Variants in ALPK3 observed in about 807,000 individuals in gnomAD.
ALPK3 encodes the protein alpha-protein kinase 3.
In ALPK3, 102 loss-of-function variants were observed where a neutral mutation model predicts 140.0. The ratio of observed to expected loss-of-function variants is 0.73; its 90% confidence interval spans 0.62 to 0.86. The LOEUF is 0.86. Among genes scored for constraint, ALPK3 ranks in the 40% least tolerant of loss-of-function variants. The pLI, the probability that ALPK3 is intolerant of heterozygous loss-of-function variation, is 0.00. For missense variants in ALPK3, 2,254 were observed against 2,208.2 expected (o/e 1.02, Z -0.42); for synonymous variants, 938 against 898.5 (o/e 1.04, Z -0.79).
At chr15:84,858,934 A>G (rs1355015095) in intron 6 of ALPK3, among the ~76,000 whole-genome samples, 1 of 152,210 alleles carries the variant, frequency 6.6e-6, no homozygotes, top group Non-Finnish European at 1.5e-5. Flanking sequence ...GCAGGCTTCC[A>G]GAGTTAGGGA....
At position 84,849,142 on chromosome 15, in the gene ALPK3, C is replaced by CA. The variant is rs903030878; in HGVS notation, c.1654-7238dup. 7.5e-3 allele frequency among the ~76,000 whole-genome samples: 1,029 copies of CA among 137,440 alleles called. 12 individuals are homozygous for CA. The highest frequency in any genetic ancestry group is 0.017 in the African/African-American group (636 of 37,364). The allele number at this position is 137,440 out of a possible 152,430, so 90.2% of individuals were successfully genotyped here. ...GGGCAACAAGAGTAAAACTCTGTCT[C>CA]AAAAAAAAAAAATTACTAAGAGAAA... On this transcript the variant is annotated intron_variant, in intron 5 of 13. Transcript: ENST00000258888.
rs764912970 is a variant in ALPK3 at position 84,839,825 on chromosome 15, C to A, written c.546C>A (p.Phe182Leu). ...MTEYKIHQRWFAKLKRKAAAK... is the reference protein window; with the variant it reads ...MTEYKIHQRWLAKLKRKAAAK... Reference sequence around the variant, plus strand: ...AGTACAAGATCCACCAGCGCTGGTTCGCCAAGTTGAAGCGCAAGGCTGCGG... The same window carrying A: ...AGTACAAGATCCACCAGCGCTGGTTAGCCAAGTTGAAGCGCAAGGCTGCGG... The change falls in exon 5 of 14, where the codon TTC becomes TTA. Residue 182 changes from phenylalanine (F) to leucine (L), a missense_variant. Transcript: ENST00000258888. 1 of 1,614,132 alleles carries A rather than the reference C, an allele frequency of 6.2e-7. No homozygotes were observed. The highest frequency in any genetic ancestry group is 8.5e-7 in the Non-Finnish European group (1 of 1,180,042).
chr15:84,871,476 A>G lies in ALPK3; in HGVS notation c.*3020A>G, dbSNP rs1372242534. The stretch of plus-strand genomic sequence containing the variant: ...CTTCCAGTTCAGTTGAATAGCTACT[A>G]CGTCTTTGAGGATGTGCTCCTTGCT... On this transcript the variant is annotated 3_prime_UTR_variant, in exon 14 of 14. Coordinates refer to ENST00000258888, the MANE Select transcript of ALPK3 (RefSeq NM_020778.5). 6.6e-6 allele frequency: 1 copy of G among 152,264 alleles called. No individual in the cohort carries two copies. The highest frequency in any genetic ancestry group is 2.4e-5 in the African/African-American group (1 of 41,518). 9.4% of individuals were successfully genotyped at this position (152,264 alleles called of 1,614,324 possible). A position where few individuals can be genotyped will look rare whatever the true frequency, so the allele number is the denominator to read the frequency against.
chr15:84,868,304 C>T lies in ALPK3; in HGVS notation c.4966C>T (p.Pro1656Ser), dbSNP rs199776809. ...GAAAGGCTCCCAGCTGAGTCCTCAGCCCCAGAAGAAAGGCCTCCCTAGTCC... is the reference window on the plus strand; with the variant it reads ...GAAAGGCTCCCAGCTGAGTCCTCAGTCCCAGAAGAAAGGCCTCCCTAGTCC... ...GRKGSQLSPQ[P>S]QKKGLPSPQG... is the part of the protein sequence containing the mutation. The change falls in exon 14 of 14, where the codon CCC becomes TCC. Residue 1656 changes from proline to serine, a missense_variant. By Grantham distance (74) the Pro-to-Ser change is moderately conservative. This residue lies in a region of ALPK3 where 158 missense variants were observed against 159.8 expected (regional missense o/e 0.99). Transcript: ENST00000258888. The T allele has an allele frequency of 5.0e-6, 8 of 1,614,112 alleles. No homozygotes were observed. Among genetic ancestry groups the T allele is most frequent in the Non-Finnish European group, 6.8e-6 (8 of 1,179,964 alleles).
At chr15:84,847,529 G>A (rs1358153251) in intron 5 of ALPK3, among the ~76,000 whole-genome samples, 1 of 152,026 alleles carries the variant, frequency 6.6e-6, no homozygotes, top group African/African-American at 2.4e-5. Context: ...AGTAGCCAGA[G>A]AAACATAATA....
rs10625181 is a variant in ALPK3 at position 84,838,600 on chromosome 15, C to CATTATT, written c.305-346_305-341dup. ...GCCACGGCCTCGTGTTCTCTCCTCC[C>CATTATT]ATTATTATTATTATTATTATTATTA... On this transcript the variant is annotated intron_variant, in intron 3 of 13. Transcript: ENST00000258888. 7.7e-3 allele frequency among the ~76,000 whole-genome samples: 883 copies of CATTATT among 115,042 alleles called. 10 individuals carry two copies. The highest frequency in any genetic ancestry group is 0.012 in the Middle Eastern group (3 of 254). 75.5% of individuals were successfully genotyped at this position (115,042 alleles called of 152,430 possible). A position where few individuals can be genotyped will look rare whatever the true frequency, so the allele number is the denominator to read the frequency against.
chr15:84,864,182 C>T (rs1018182308), intron 11 of ALPK3, among the ~76,000 whole-genome samples: 2 of 152,204 alleles, frequency 1.3e-5, no homozygotes, highest in African/African-American at 4.8e-5. Context: ...CCAAGCCACA[C>T]AGTCTGCCTA....
chr15:84,856,947 A>G lies in ALPK3; in HGVS notation c.2209A>G (p.Arg737Gly), dbSNP rs1230447435. 1 of 1,614,022 alleles carries G rather than the reference A, an allele frequency of 6.2e-7. No individual in the cohort carries two copies. The highest frequency in any genetic ancestry group is 8.5e-7 in the Non-Finnish European group (1 of 1,180,024). Residue 737 changes from arginine to glycine, a missense_variant, in exon 6 of 14, where the codon AGA becomes GGA. Coordinates refer to ENST00000258888, the MANE Select transcript of ALPK3 (RefSeq NM_020778.5). Reference sequence around the variant, plus strand: ...GGCAACCAGCCTCGGCCCACCATCCAGAACCCCCAAACTCCCACCTACAGC... The same window carrying G: ...GGCAACCAGCCTCGGCCCACCATCCGGAACCCCCAAACTCCCACCTACAGC... ...EVATSLGPPS[R>G]TPKLPPTAGP...
intron 5 of ALPK3, among the ~76,000 whole-genome samples, chr15:84,841,582 G>A (rs56001568): frequency 6.6e-6 from 1 of 152,220 alleles, no homozygotes; most frequent in Non-Finnish European, 1.5e-5. Flanking sequence ...TATGACTATG[G>A]TGGGAAACAG....
chr15:84,838,428 T>G (rs1408680471), intron 3 of ALPK3, among the ~76,000 whole-genome samples: 1 of 152,052 alleles, frequency 6.6e-6, no homozygotes, highest in Non-Finnish European at 1.5e-5. Context: ...TCCTCCATAT[T>G]TTCCTTCCTA....
chr15:84,858,626 A>G, intron 6 of ALPK3, 71 bp downstream of exon 6: 1 of 1,491,930 alleles, frequency 6.7e-7, no homozygotes, highest in Non-Finnish European at 8.8e-7. Context: ...TGCTGCTGCT[A>G]ACAGCACTAC....
rs2141557079 is a variant in ALPK3 at position 84,840,567 on chromosome 15, G to T, written c.1288G>T (p.Gly430Trp). ...LENTQAVRPL[G>W]EEGPQTLSVR... ...GAACACCCAGGCAGTCAGGCCTCTT[G>T]GGGAAGAGGGACCCCAGACCCTGAG... The change falls in exon 5 of 14, where the codon GGG becomes TGG. Residue 430 changes from glycine to tryptophan, a missense_variant. By Grantham distance (184) the Gly-to-Trp change is radical (BLOSUM62 -2). Transcript: ENST00000258888. The T allele has an allele frequency of 1.9e-6, 3 of 1,583,232 alleles. No individual in the cohort carries two copies. In the South Asian group the frequency reaches 3.5e-5, roughly 19 times the overall value.
chr15:84,840,742 C>A lies in ALPK3; in HGVS notation c.1463C>A (p.Pro488His). The change falls in exon 5 of 14, where the codon CCC becomes CAC. Residue 488 changes from proline (P) to histidine (H), a missense_variant. This residue lies in a region of ALPK3 where 2,088 missense variants were observed against 2,022.9 expected (regional missense o/e 1.03). Coordinates refer to ENST00000258888, the MANE Select transcript of ALPK3 (RefSeq NM_020778.5). ...AGAAAGAGATTTGCCCCTCCAAAGC[C>A]CAAAGGAGAGGCCACCACTGACAGC... Reference protein sequence around the residue: ...FNRKRFAPPKPKGEATTDSKP... With the variant: ...FNRKRFAPPKHKGEATTDSKP... 1 of 1,614,156 alleles carries A rather than the reference C, an allele frequency of 6.2e-7. No homozygotes were observed. The highest frequency in any genetic ancestry group is 8.5e-7 in the Non-Finnish European group (1 of 1,180,020).
At chr15:84,827,693 C>A in intron 3 of ALPK3, 88 bp downstream of exon 3, 7 of 1,549,204 alleles carry the variant, frequency 4.5e-6, no homozygotes, top group Middle Eastern at 2.2e-4. Flanking sequence ...GGTGGGGTGG[C>A]GGGCTGTGTG....
At chr15:84,827,375 C>T in intron 2 of ALPK3, 109 bp from the exon 3 acceptor site, 3 of 1,500,882 alleles carry the variant, frequency 2.0e-6, no homozygotes, top group Non-Finnish European at 2.7e-6. Flanking sequence ...GCAGCTCTGG[C>T]CACAGGAAGA....
intron 3 of ALPK3, among the ~76,000 whole-genome samples, chr15:84,832,970 G>A (rs1164896752): frequency 1.3e-5 from 2 of 152,128 alleles, no homozygotes; most frequent in Non-Finnish European, 2.9e-5. Flanking sequence ...GAATCATGGG[G>A]TATTTTATCA....
chr15:84,857,433 C>T lies in ALPK3; in HGVS notation c.2695C>T (p.Pro899Ser). Residue 899 changes from proline to serine, a missense_variant, in exon 6 of 14, where the codon CCC (proline) becomes TCC (serine). Pro to Ser is a moderately conservative substitution (Grantham distance 74, BLOSUM62 -1). Around this residue, in one of 3 missense-constraint regions of ALPK3, gnomAD observed 2,088 missense variants for 2,022.9 expected, o/e 1.03. Coordinates refer to ENST00000258888, the MANE Select transcript of ALPK3 (RefSeq NM_020778.5). ...SQHGSTATFL[P>S]SEDQVLMSSA... ...GCACGGGAGCACAGCCACCTTCCTG[C>T]CCTCTGAGGATCAGGTCCTGATGAG... The T allele has an allele frequency of 6.2e-7, 1 of 1,613,988 alleles. No homozygotes were observed. Among genetic ancestry groups the T allele is most frequent in the Non-Finnish European group, 8.5e-7 (1 of 1,179,992 alleles).
intron 5 of ALPK3, among the ~76,000 whole-genome samples, chr15:84,852,038 C>T (rs1963809656): frequency 6.6e-6 from 1 of 152,196 alleles, no homozygotes; most frequent in South Asian, 2.1e-4. Context: ...CAGCGGATGC[C>T]TGACACTGCA....
At chr15:84,827,817 T>C (rs905606546) in intron 3 of ALPK3, among the ~76,000 whole-genome samples, 1 of 152,226 alleles carries the variant, frequency 6.6e-6, no homozygotes, top group African/African-American at 2.4e-5. Flanking sequence ...TATACCCTAC[T>C]CTTCTTCAGA....
Sources: gnomAD v4.1 joint callset for allele counts (sites outside exome capture counted in the v4.1 genomes callset) on GRCh38, gnomAD v4.1.1 for gene constraint, gnomAD v4.1.1 regional missense constraint, MANE v1.5 for transcripts, NCBI Gene and HGNC (gene_info 2026-07-23, HGNC 2026-07-21) for gene names.